The following TUBA4A variants were observed in gnomAD, a reference collection of about 807,000 sequenced individuals.
TUBA4A encodes tubulin alpha-4A chain.
TUBA4A carries 23 observed loss-of-function variants against 34.3 expected under a neutral mutation model. The observed-to-expected ratio is 0.67, with a 90% CI of 0.48 to 0.95. The LOEUF (loss-of-function observed/expected upper bound fraction) is 0.95. Ranked by LOEUF, TUBA4A falls within the 40% of genes least tolerant of loss-of-function variation. The pLI, the probability that TUBA4A is intolerant of heterozygous loss-of-function variation, is 0.00. For missense variants in TUBA4A, 279 were observed against 599.0 expected, an observed-to-expected ratio of 0.47 and a Z score of 5.58; for synonymous variants, 216 against 230.5, an observed-to-expected ratio of 0.94 and a Z score of 0.57.
Position 219,251,769 on chromosome 2 carries a change from T to C in TUBA4A, c.227-56A>G, listed in dbSNP as rs966002767. The C allele has an allele frequency of 3.2e-6, 5 of 1,571,248 alleles. No homozygotes were observed. The highest frequency in any genetic ancestry group is 1.7e-4 in the Middle Eastern group (1 of 5,884). The stretch of plus-strand genomic sequence containing the variant: ...CAGCAGGGACCTTCCTCCCCCAGGG[T>C]GGTAGCTGTGGCCAGATGCATGGAA... On this transcript the variant is annotated intron_variant, in intron 2 of 3. Coordinates refer to ENST00000248437, the MANE Select transcript of TUBA4A (RefSeq NM_006000.3). This position sits in a 1 kb window ranked among gnomAD's most constrained non-coding sequence, Gnocchi z 6.1.
intron 1 of TUBA4A, chr2:219,253,363 G>C (rs1007700950): frequency 2.6e-6 from 4 of 1,534,408 alleles, no homozygotes; most frequent in Admixed American, 3.9e-5. Flanking sequence ...ACGGGGGGGG[G>C]GTGGTTCTGT....
chr2:219,252,864 G>C lies in TUBA4A; in HGVS notation c.4-634C>G, dbSNP rs189477889. On this transcript the variant is annotated intron_variant, in intron 1 of 3. Transcript: ENST00000248437. The surrounding 1 kb of genome is among the most constrained non-coding windows in gnomAD (Gnocchi z 4.1). Reference sequence around the variant, plus strand: ...ACAGCAGGGGCCAGCAATAAGGTTTGAGGGTACTGGGGCGCTCACTGCCTT... The same window carrying C: ...ACAGCAGGGGCCAGCAATAAGGTTTCAGGGTACTGGGGCGCTCACTGCCTT... The C allele has an allele frequency of 6.6e-5, 31 of 472,286 alleles. No individual in the cohort carries two copies. In the East Asian group the frequency reaches 2.0e-3, roughly 31 times the overall value. The allele number at this position is 472,286 out of a possible 1,614,324, so 29.3% of individuals were successfully genotyped here. A position where few individuals can be genotyped will look rare whatever the true frequency, so the allele number is the denominator to read the frequency against.
chr2:219,250,321 A>T lies in TUBA4A; in HGVS notation c.*31T>A. On this transcript the variant is annotated 3_prime_UTR_variant, in exon 4 of 4. Coordinates refer to ENST00000248437, the MANE Select transcript of TUBA4A (RefSeq NM_006000.3). The surrounding 1 kb of genome is among the most constrained non-coding windows in gnomAD (Gnocchi z 8.4). ...GTTTATTTCGAAAGGATTTTGCAAT[A>T]AACATAGTGAATAGGCTCCAGGCAG... 1 of 1,574,188 alleles carries T rather than the reference A, an allele frequency of 6.4e-7. No homozygotes were observed. The highest frequency in any genetic ancestry group is 1.7e-4 in the Middle Eastern group (1 of 5,866).
chr2:219,253,354 C>CGGGGG lies in TUBA4A; in HGVS notation c.3+497_3+501dup, dbSNP rs60456844. 8.4e-6 allele frequency: 11 copies of CGGGGG among 1,302,734 alleles called. No individual in the cohort carries two copies. The South Asian group carries it at 9.6e-5, about 11-fold the overall frequency. 80.7% of individuals were successfully genotyped at this position (1,302,734 alleles called of 1,614,324 possible). A position where few individuals can be genotyped will look rare whatever the true frequency, so the allele number is the denominator to read the frequency against. ...AGCTCAGACGCGGGGTGCTGAGTCA[C>CGGGGG]GGGGGGGGGGTGGTTCTGTGGATAG... On this transcript the variant is annotated intron_variant, in intron 1 of 3. Coordinates refer to ENST00000248437, the MANE Select transcript of TUBA4A (RefSeq NM_006000.3).
chr2:219,252,096 G>C lies in TUBA4A; in HGVS notation c.138C>G (p.Asp46Glu), dbSNP rs140319726. 4.3e-6 allele frequency: 7 copies of C among 1,614,016 alleles called. No individual in the cohort carries two copies. Among genetic ancestry groups the C allele is most frequent in the Non-Finnish European group, 5.9e-6 (7 of 1,180,026 alleles). Residue 46 changes from aspartate to glutamate, a missense_variant, in exon 2 of 4, where the codon GAC becomes GAG. Physicochemically the swap from Asp to Glu is conservative, Grantham distance 45 (BLOSUM62 2). Around this residue, in one of 3 missense-constraint regions of TUBA4A, gnomAD observed 98 missense variants for 171.1 expected, o/e 0.57. Coordinates refer to ENST00000248437, the MANE Select transcript of TUBA4A (RefSeq NM_006000.3). The surrounding 1 kb of genome is among the most constrained non-coding windows in gnomAD (Gnocchi z 4.1). Reference protein sequence around the residue: ...MPSDKTIGGGDDSFTTFFCET... With the variant: ...MPSDKTIGGGEDSFTTFFCET... ...CACAGAAGAAGGTGGTGAAGGAGTC[G>C]TCCCCTCCACCAATGGTCTTGTCAC...
rs1448089018 is a variant in TUBA4A, at chr2:219,252,493, C to G, written c.4-263G>C. On this transcript the variant is annotated intron_variant, in intron 1 of 3. Transcript: ENST00000248437. The surrounding 1 kb of genome is among the most constrained non-coding windows in gnomAD (Gnocchi z 4.1). Reference sequence around the variant, plus strand: ...GGAATCTGTCAAGTGAGCACTGTGGCTCCACATGACAAAAGGTTTCCTAGA... The same window carrying G: ...GGAATCTGTCAAGTGAGCACTGTGGGTCCACATGACAAAAGGTTTCCTAGA... Among the ~76,000 whole-genome samples, 1 of 152,088 alleles carries G rather than the reference C, an allele frequency of 6.6e-6. No individual in the cohort carries two copies. The highest frequency in any genetic ancestry group is 2.4e-5 in the African/African-American group (1 of 41,394).
upstream of TUBA4A, chr2:219,254,376 C>A (rs1048000040): frequency 6.5e-6 from 1 of 152,682 alleles, no homozygotes; most frequent in Non-Finnish European, 1.5e-5. Flanking sequence ...GGCTGTGGCG[C>A]GTCCCCGGGG....
chr2:219,253,282 G>C (rs950895209), intron 1 of TUBA4A: 1 of 1,503,412 alleles, frequency 6.7e-7, no homozygotes, highest in Admixed American at 2.0e-5. Flanking sequence ...GGCTGGAGAG[G>C]GCCAGCTCGC....
chr2:219,253,363 G>T (rs1007700950), intron 1 of TUBA4A: 5 of 1,534,408 alleles, frequency 3.3e-6, no homozygotes, highest in Admixed American at 2.0e-5. Flanking sequence ...ACGGGGGGGG[G>T]GTGGTTCTGT....
In TUBA4A at chr2:219,251,804, C is replaced by T. The variant is rs1195135854; in HGVS notation, c.227-91G>A. ...GGCCAGATGCATGGAAGGACTCATC[C>T]TCCTGCCAGCCTGAGATACCAGAGT... is the stretch of plus-strand genomic sequence containing the variant. On this transcript the variant is annotated intron_variant, in intron 2 of 3. Coordinates refer to ENST00000248437, the MANE Select transcript of TUBA4A (RefSeq NM_006000.3). This position sits in a 1 kb window ranked among gnomAD's most constrained non-coding sequence, Gnocchi z 6.1. 1.2e-5 allele frequency: 18 copies of T among 1,500,304 alleles called. No homozygotes were observed. Among genetic ancestry groups the T allele is most frequent in the Non-Finnish European group, 1.6e-5 (18 of 1,112,206 alleles). 92.9% of individuals were successfully genotyped at this position (1,500,304 alleles called of 1,614,324 possible). A position where few individuals can be genotyped will look rare whatever the true frequency, so the allele number is the denominator to read the frequency against.
rs764691288 is a variant in TUBA4A at position 219,253,440 on chromosome 2, T to C, written c.3+416A>G. The C allele has an allele frequency of 2.7e-5, 41 of 1,495,334 alleles. No homozygotes were observed. In the African/African-American group the frequency reaches 5.1e-4, roughly 19 times the overall value. The allele number at this position is 1,495,334 out of a possible 1,614,324, so 92.6% of individuals were successfully genotyped here. On this transcript the variant is annotated intron_variant, in intron 1 of 3. Transcript: ENST00000248437. ...ACCAGGTAACCTGACCCCTTCCACC[T>C]TCTAGCGCCAAGCACGTGCTCGGTC...
In TUBA4A at chr2:219,252,550, C is replaced by G. The variant is rs527735447; in HGVS notation, c.4-320G>C. Reference sequence around the variant, plus strand: ...GGTTTACAGCTAGAGGCCCCCCCCCCACTTGATTAATTATTTGCTTTGAGT... The same window carrying G: ...GGTTTACAGCTAGAGGCCCCCCCCCGACTTGATTAATTATTTGCTTTGAGT... On this transcript the variant is annotated intron_variant, in intron 1 of 3. Transcript: ENST00000248437. This position sits in a 1 kb window ranked among gnomAD's most constrained non-coding sequence, Gnocchi z 4.1. 2.0e-3 allele frequency among the ~76,000 whole-genome samples: 298 copies of G among 151,272 alleles called. 3 individuals carry two copies. Among genetic ancestry groups the G allele is most frequent in the African/African-American group, 6.5e-3 (267 of 41,224 alleles).
Position 219,249,752 on chromosome 2 carries a change from A to C in TUBA4A, c.*600T>G, listed in dbSNP as rs1951613374. 6.5e-6 allele frequency: 1 copy of C among 152,830 alleles called. No homozygotes were observed. The highest frequency in any genetic ancestry group is 2.4e-5 in the African/African-American group (1 of 41,474). 9.5% of individuals were successfully genotyped at this position (152,830 alleles called of 1,614,324 possible). Reference sequence around the variant, plus strand: ...TTAATGGCACAGCCCCAGCTCCAGCAAAGCAGCAAGACAGGAAGCTATGCA... The same window carrying C: ...TTAATGGCACAGCCCCAGCTCCAGCCAAGCAGCAAGACAGGAAGCTATGCA... On this transcript the variant is annotated 3_prime_UTR_variant, in exon 4 of 4. Coordinates refer to ENST00000248437, the MANE Select transcript of TUBA4A (RefSeq NM_006000.3).
chr2:219,253,893 G>A lies in TUBA4A; in HGVS notation c.-35C>T. ...GGGCGGTGCGTCTCACGTTGAGTCG[G>A]GGTGACAGGTCTCAGTGAGAACTGC... On this transcript the variant is annotated 5_prime_UTR_variant, in exon 1 of 4. Transcript: ENST00000248437. The A allele has an allele frequency of 1.4e-6, 2 of 1,429,218 alleles. No homozygotes were observed. Among genetic ancestry groups the A allele is most frequent in the South Asian group, 1.5e-5 (1 of 65,472 alleles). 88.5% of individuals were successfully genotyped at this position (1,429,218 alleles called of 1,614,324 possible).
rs1951647222 is a variant in TUBA4A at position 219,251,518 on chromosome 2, A to G, written c.375+47T>C. 6.3e-7 allele frequency: 1 copy of G among 1,599,402 alleles called. No individual in the cohort carries two copies. Among genetic ancestry groups the G allele is most frequent in the East Asian group, 2.2e-5 (1 of 44,620 alleles). On this transcript the variant is annotated intron_variant, in intron 3 of 3. Transcript: ENST00000248437. This position sits in a 1 kb window ranked among gnomAD's most constrained non-coding sequence, Gnocchi z 6.1. The stretch of plus-strand genomic sequence containing the variant: ...GATCTGAAAAAAAATATTCCTGACC[A>G]TTAGCACAGTCTCAAAAGTTCCCTC...
At position 219,252,635 on chromosome 2, in the gene TUBA4A, G is replaced by A; in HGVS notation, c.4-405C>T. ...TTTCTTTCCTGTAAGCTGCAGAGGT[G>A]TCTCAGCCATCCAATCTGGCATCAA... On this transcript the variant is annotated intron_variant, in intron 1 of 3. Coordinates refer to ENST00000248437, the MANE Select transcript of TUBA4A (RefSeq NM_006000.3). The surrounding 1 kb of genome is among the most constrained non-coding windows in gnomAD (Gnocchi z 4.1). The A allele has an allele frequency of 2.5e-6, 1 of 396,492 alleles. No individual in the cohort carries two copies. Among genetic ancestry groups the A allele is most frequent in the Non-Finnish European group, 5.3e-6 (1 of 188,376 alleles). 24.6% of individuals were successfully genotyped at this position (396,492 alleles called of 1,614,324 possible). A position where few individuals can be genotyped will look rare whatever the true frequency, so the allele number is the denominator to read the frequency against.
In TUBA4A at chr2:219,252,929, A is replaced by G; in HGVS notation, c.4-699T>C. ...TCAGCCCGAAATTAACCCCTAAAGC[A>G]CTAAAGTCCGGCAGGGCCCGCGCGC... On this transcript the variant is annotated intron_variant, in intron 1 of 3. Coordinates refer to ENST00000248437, the MANE Select transcript of TUBA4A (RefSeq NM_006000.3). The surrounding 1 kb of genome is among the most constrained non-coding windows in gnomAD (Gnocchi z 4.1). 2.1e-6 allele frequency: 1 copy of G among 480,818 alleles called. No homozygotes were observed. The highest frequency in any genetic ancestry group is 4.3e-6 in the Non-Finnish European group (1 of 234,582). The allele number at this position is 480,818 out of a possible 1,614,324, so 29.8% of individuals were successfully genotyped here.
In TUBA4A at chr2:219,252,792, C is replaced by G. The variant is rs1170502447; in HGVS notation, c.4-562G>C. 2.1e-6 allele frequency: 1 copy of G among 471,872 alleles called. No homozygotes were observed. Among genetic ancestry groups the G allele is most frequent in the Non-Finnish European group, 4.4e-6 (1 of 227,580 alleles). 29.2% of individuals were successfully genotyped at this position (471,872 alleles called of 1,614,324 possible). ...GGGTGTCTTCACCACTTTCATCTCC[C>G]GTGTCAGCCCGCACGGAAATAGCGG... On this transcript the variant is annotated intron_variant, in intron 1 of 3. Transcript: ENST00000248437. The surrounding 1 kb of genome is among the most constrained non-coding windows in gnomAD (Gnocchi z 4.1).
upstream of TUBA4A, chr2:219,254,461 C>T (rs981661187): frequency 6.6e-6 from 1 of 152,298 alleles, no homozygotes; most frequent in South Asian, 2.1e-4. Flanking sequence ...TGTGGGCGGC[C>T]GAGGACCCAG....
Sources: allele counts gnomAD v4.1 joint callset (sites outside exome capture counted in the v4.1 genomes callset), GRCh38; gene constraint gnomAD v4.1.1; regional missense constraint gnomAD v4.1.1; non-coding constraint Gnocchi (gnomAD v3.1); transcripts MANE v1.5; gene names NCBI Gene and HGNC (gene_info 2026-07-23, HGNC 2026-07-21).